PAX8: variants seen among roughly 807,000 people sequenced by gnomAD.
The protein encoded by PAX8 is paired box protein Pax-8.
In PAX8, 15 loss-of-function variants were observed where a neutral mutation model predicts 52.4. The ratio of observed to expected loss-of-function variants is 0.29; its 90% CI spans 0.19 to 0.44. The LOEUF (loss-of-function observed/expected upper bound fraction) is 0.44, where lower values mean the gene tolerates loss of function less well. Ranked by LOEUF, PAX8 falls within the 20% of genes least tolerant of loss-of-function variation. The pLI is 1.00. For synonymous variants in PAX8, 284 were observed against 249.7 expected, an observed-to-expected ratio of 1.14 and a Z score of -1.29; for missense variants, 554 against 602.5, an observed-to-expected ratio of 0.92 and a Z score of 0.84.
intron 2 of PAX8, chr2:113,255,412 G>A (rs1692181152): frequency 6.6e-6 from 1 of 152,096 alleles, no homozygotes; most frequent in Non-Finnish European, 1.5e-5. Flanking sequence ...ACAGAAATGA[G>A]TTATTTAAAG....
In PAX8 at chr2:113,260,520, G is replaced by A. The variant is rs576506753; in HGVS notation, c.26-13601C>T. On this transcript the variant is annotated intron_variant, in intron 2 of 11. Coordinates refer to ENST00000429538, the MANE Select transcript of PAX8 (RefSeq NM_003466.4). ...GGGTAAGGAGGGAAATAGAGGGATGGTGAGAAGAACCCCTGCTGAGGGCAG... is the reference window on the plus strand; with the variant it reads ...GGGTAAGGAGGGAAATAGAGGGATGATGAGAAGAACCCCTGCTGAGGGCAG... 1.1e-3 allele frequency among the ~76,000 whole-genome samples: 170 copies of A among 152,182 alleles called. 3 individuals are homozygous for A. In the South Asian group the frequency reaches 0.035, roughly 31 times the overall value.
chr2:113,239,085 T>TC (rs58687747), intron 7 of PAX8: 1 of 151,568 alleles, frequency 6.6e-6, no homozygotes, highest in African/African-American at 2.4e-5. Context: ...TTTTTTTTTT[T>TC]CAGATGGAGC....
chr2:113,220,265 T>C, intron 10 of PAX8, 87 bp from the exon 11 acceptor site: 1 of 986,312 alleles, frequency 1.0e-6, no homozygotes, highest in Non-Finnish European at 1.6e-6. Context: ...GGGCTGGCAA[T>C]GGGCAAGCTC....
rs1459716010 is a variant in PAX8, at chr2:113,226,198, G to A, written c.1189+957C>T. On this transcript the variant is annotated intron_variant, in intron 10 of 11. Transcript: ENST00000429538. ...TGGCTGGCAAAGATTAACTCCTGCC[G>A]GCAAGGAAGGGAAGCAGGCCTAGGT... The A allele has an allele frequency of 4.6e-5, 45 of 985,240 alleles. No individual in the cohort carries two copies. In the Admixed American group the frequency reaches 1.2e-3, roughly 27 times the overall value. 61.0% of individuals were successfully genotyped at this position (985,240 alleles called of 1,614,324 possible).
At position 113,217,001 on chromosome 2, in the gene PAX8, A is replaced by G. The variant is rs1689048229; in HGVS notation, c.*1532T>C. The G allele has an allele frequency of 4.3e-6, 1 of 231,424 alleles. No homozygotes were observed. Among genetic ancestry groups the G allele is most frequent in the Admixed American group, 5.6e-5 (1 of 17,720 alleles). 14.3% of individuals were successfully genotyped at this position (231,424 alleles called of 1,614,324 possible). On this transcript the variant is annotated 3_prime_UTR_variant, in exon 12 of 12. Coordinates refer to ENST00000429538, the MANE Select transcript of PAX8 (RefSeq NM_003466.4). ...AGAGCCCAGTCTTCTCTCTCCCTTC[A>G]GAGCTGTTTATGCAGGCTCCAGTCA... is the stretch of plus-strand genomic sequence containing the variant.
rs1380352169 is a variant in PAX8, at chr2:113,246,759, A to C, written c.186T>G (p.Leu62=). Residue 62 remains leucine (L), a synonymous_variant, in exon 3 of 12, where the codon CTT becomes CTG. Coordinates refer to ENST00000429538, the MANE Select transcript of PAX8 (RefSeq NM_003466.4). ...GCGGTGAATTTCGTGCTTACCTGCC[A>C]AGGATCTTGCTGACGCAGCCATGGC... The part of the protein sequence containing the change: ...RVSHGCVSKI[L]GRYYETGSIR... 3 of 1,612,688 alleles carry C rather than the reference A, an allele frequency of 1.9e-6. No homozygotes were observed. Among genetic ancestry groups the C allele is most frequent in the Non-Finnish European group, 1.7e-6 (2 of 1,179,058 alleles).
At chr2:113,219,608 G>C (rs1689168055) in intron 11 of PAX8, among the ~76,000 whole-genome samples, 1 of 152,222 alleles carries the variant, frequency 6.6e-6, no homozygotes, top group South Asian at 2.1e-4. Context: ...GTTTGGTGCT[G>C]AATCATGAGT....
intron 2 of PAX8, among the ~76,000 whole-genome samples, chr2:113,251,088 G>T (rs1691721384): frequency 6.6e-6 from 1 of 152,258 alleles, no homozygotes; most frequent in Non-Finnish European, 1.5e-5. Context: ...TTTGGAAAGA[G>T]CCTGCTGGCT....
chr2:113,224,452 C>T (rs926465792), intron 10 of PAX8, among the ~76,000 whole-genome samples: 1 of 149,286 alleles, frequency 6.7e-6, no homozygotes, highest in Non-Finnish European at 1.5e-5. Flanking sequence ...GAGGCTGAGG[C>T]AGGAGAATCA....
chr2:113,259,039 T>A (rs557765733), intron 2 of PAX8: 156 of 152,284 alleles, frequency 1.0e-3, no homozygotes, highest in African/African-American at 3.7e-3. Context: ...GAGACACACA[T>A]GGGCTGCTCT....
chr2:113,223,921 T>C (rs1447812224), intron 10 of PAX8, among the ~76,000 whole-genome samples: 3 of 152,048 alleles, frequency 2.0e-5, no homozygotes, highest in Non-Finnish European at 4.4e-5. Flanking sequence ...GAAGGATGAA[T>C]GAAAGTGTGA....
In PAX8 at chr2:113,236,641, C is replaced by A. The variant is rs886054793; in HGVS notation, c.858G>T (p.Gly286=). 6.9e-6 allele frequency: 11 copies of A among 1,594,690 alleles called. No individual in the cohort carries two copies. Among genetic ancestry groups the A allele is most frequent in the South Asian group, 1.1e-5 (1 of 87,564 alleles). Residue 286 remains glycine (G), a synonymous_variant, in exon 8 of 12, where the codon GGG becomes GGT. Coordinates refer to ENST00000429538, the MANE Select transcript of PAX8 (RefSeq NM_003466.4). Reference sequence around the variant, plus strand: ...AGGTCTGGTGAGTCGAGAGGTTGCGCCCCAGTGGCGTGTTGGAAGGGGTCA... The same window carrying A: ...AGGTCTGGTGAGTCGAGAGGTTGCGACCCAGTGGCGTGTTGGAAGGGGTCA... ...ATLTPSNTPL[G]RNLSTHQTYP...
intron 2 of PAX8, among the ~76,000 whole-genome samples, chr2:113,249,522 A>G (rs1691596181): frequency 1.3e-5 from 2 of 152,080 alleles, no homozygotes; most frequent in Non-Finnish European, 2.9e-5. Flanking sequence ...CACCTCTACA[A>G]ATGTGAAGCA....
chr2:113,228,742 A>C (rs1689726885), intron 9 of PAX8, among the ~76,000 whole-genome samples: 1 of 152,106 alleles, frequency 6.6e-6, no homozygotes, highest in Non-Finnish European at 1.5e-5. Flanking sequence ...GAGCCCTGTT[A>C]ACCAACTTAC....
chr2:113,254,521 C>G (rs1692043686), intron 2 of PAX8, among the ~76,000 whole-genome samples: 1 of 152,150 alleles, frequency 6.6e-6, no homozygotes, highest in Non-Finnish European at 1.5e-5. Flanking sequence ...CACATCCAAC[C>G]TTGCTCAAGT....
intron 2 of PAX8, among the ~76,000 whole-genome samples, chr2:113,276,761 C>T (rs1248514743): frequency 1.3e-5 from 2 of 151,930 alleles, no homozygotes; most frequent in African/African-American, 4.8e-5. Flanking sequence ...AATTTGATTT[C>T]CGAGAGCACT....
At chr2:113,244,744 T>G in intron 3 of PAX8, 120 bp from the exon 4 acceptor site, 2 of 915,008 alleles carry the variant, frequency 2.2e-6, no homozygotes, top group Non-Finnish European at 3.6e-6. Context: ...GAGTGAAATG[T>G]GCCTCCAAGG....
At position 113,278,909 on chromosome 2, in the gene PAX8, G is replaced by T. The variant is rs1440870372; in HGVS notation, c.-154C>A. The T allele has an allele frequency of 1.9e-6, 2 of 1,048,102 alleles. No individual in the cohort carries two copies. The highest frequency in any genetic ancestry group is 2.3e-6 in the Non-Finnish European group (2 of 867,276). The allele number at this position is 1,048,102 out of a possible 1,614,324, so 64.9% of individuals were successfully genotyped here. On this transcript the variant is annotated 5_prime_UTR_variant, in exon 1 of 12. Transcript: ENST00000429538. ...TGGGCCCGGTGTCTCTCCTCCTTCT[G>T]AAGTTTGTTCCCATCCACCCGGCAT...
intron 2 of PAX8, among the ~76,000 whole-genome samples, chr2:113,262,217 T>C (rs1692736984): frequency 6.6e-6 from 1 of 152,206 alleles, no homozygotes; most frequent in Non-Finnish European, 1.5e-5. Context: ...GATTTTGCTA[T>C]GATGCTCAGG....
Sources: gnomAD v4.1 joint callset for allele counts (sites outside exome capture counted in the v4.1 genomes callset) on GRCh38, gnomAD v4.1.1 for gene constraint, MANE v1.5 for transcripts, NCBI Gene and HGNC (gene_info 2026-07-23, HGNC 2026-07-21) for gene names.